SPATA12: variants seen among roughly 807,000 people sequenced by gnomAD.
The protein encoded by SPATA12 is spermatogenesis-associated protein 12.
For synonymous variants in SPATA12, 85 were observed against 89.2 expected, an observed-to-expected ratio of 0.95 and a Z score of 0.26; for missense variants, 219 against 226.4, an observed-to-expected ratio of 0.97 and a Z score of 0.21.
At position 57,073,908 on chromosome 3, in the gene SPATA12, T is replaced by C. The variant is rs1168350158; in HGVS notation, c.214T>C (p.Phe72Leu). The C allele has an allele frequency of 1.2e-6, 2 of 1,614,164 alleles. No individual in the cohort carries two copies. Among genetic ancestry groups the C allele is most frequent in the Non-Finnish European group, 1.7e-6 (2 of 1,180,006 alleles). ...GAASALPELT[F>L]QGDVCQSETC... ...AGCCTCTGCCCTCCCAGAGCTGACA[T>C]TTCAGGGGGATGTGTGCCAAAGTGA... The change falls in exon 2 of 2, where the codon TTT becomes CTT. Residue 72 changes from phenylalanine to leucine, a missense_variant. Physicochemically the swap from Phe to Leu is conservative, Grantham distance 22. Coordinates refer to ENST00000334325, the MANE Select transcript of SPATA12 (RefSeq NM_181727.2).
At position 57,074,325 on chromosome 3, in the gene SPATA12, C is replaced by T. The variant is rs530481765; in HGVS notation, c.*58C>T. 1.4e-6 allele frequency: 2 copies of T among 1,461,918 alleles called. No homozygotes were observed. The highest frequency in any genetic ancestry group is 2.3e-5 in the East Asian group (1 of 43,914). 90.6% of individuals were successfully genotyped at this position (1,461,918 alleles called of 1,614,324 possible). A position where few individuals can be genotyped will look rare whatever the true frequency, so the allele number is the denominator to read the frequency against. On this transcript the variant is annotated 3_prime_UTR_variant, in exon 2 of 2. Coordinates refer to ENST00000334325, the MANE Select transcript of SPATA12 (RefSeq NM_181727.2). ...GCAGCTGTTTGTCTGGGCCTTTGCA[C>T]ATGCTATGCCCTCCCTTCCATCCCC...
At chr3:57,067,001 T>C (rs146192868) in intron 1 of SPATA12, among the ~76,000 whole-genome samples, 56 of 152,296 alleles carry the variant, frequency 3.7e-4, no homozygotes, top group African/African-American at 1.3e-3. Flanking sequence ...ATCCTGTTGG[T>C]TCTGTTTCTC....
intron 1 of SPATA12, among the ~76,000 whole-genome samples, chr3:57,066,554 C>T (rs1258901675): frequency 2.0e-5 from 3 of 152,224 alleles, no homozygotes; most frequent in African/African-American, 4.8e-5. Context: ...TGAGCCACCG[C>T]GCCCAGGCTT....
At chr3:57,063,149 A>G (rs1705324888) in intron 1 of SPATA12, among the ~76,000 whole-genome samples, 1 of 152,222 alleles carries the variant, frequency 6.6e-6, no homozygotes, top group African/African-American at 2.4e-5. Flanking sequence ...CAGCGGGAAT[A>G]GCAGGTGCAA....
chr3:57,066,792 C>T (rs1281853058), intron 1 of SPATA12, among the ~76,000 whole-genome samples: 1 of 152,168 alleles, frequency 6.6e-6, no homozygotes, highest in Non-Finnish European at 1.5e-5. Context: ...CAGCTATAAG[C>T]CTTAATAGAA....
intron 1 of SPATA12, among the ~76,000 whole-genome samples, chr3:57,063,104 A>G (rs1474818185): frequency 1.3e-5 from 2 of 152,236 alleles, no homozygotes; most frequent in African/African-American, 2.4e-5. Context: ...ATGAGGGACC[A>G]AGCTCTGCAG....
chr3:57,073,909 T>A lies in SPATA12; in HGVS notation c.215T>A (p.Phe72Tyr). 1.2e-6 allele frequency: 2 copies of A among 1,614,164 alleles called. No individual in the cohort carries two copies. Among genetic ancestry groups the A allele is most frequent in the Non-Finnish European group, 8.5e-7 (1 of 1,180,028 alleles). The part of the protein sequence containing the change: ...GAASALPELT[F>Y]QGDVCQSETC... ...GCCTCTGCCCTCCCAGAGCTGACAT[T>A]TCAGGGGGATGTGTGCCAAAGTGAG... The change falls in exon 2 of 2, where the codon TTT becomes TAT. Residue 72 changes from phenylalanine (F) to tyrosine (Y), a missense_variant. Transcript: ENST00000334325.
chr3:57,073,436 C>A lies in SPATA12; in HGVS notation c.-259C>A. 1 of 435,380 alleles carries A rather than the reference C, an allele frequency of 2.3e-6. No individual in the cohort carries two copies. Among genetic ancestry groups the A allele is most frequent in the South Asian group, 5.2e-5 (1 of 19,344 alleles). 27.0% of individuals were successfully genotyped at this position (435,380 alleles called of 1,614,324 possible). The stretch of plus-strand genomic sequence containing the variant: ...GTGGGAAGCTGTGAAAGTGGACAAG[C>A]GTGAAAGAGCTTCCAAGTAGTGGAA... On this transcript the variant is annotated 5_prime_UTR_variant, in exon 2 of 2. Transcript: ENST00000334325.
intron 1 of SPATA12, among the ~76,000 whole-genome samples, chr3:57,067,773 A>G (rs1051248953): frequency 3.3e-4 from 50 of 151,132 alleles, no homozygotes; most frequent in African/African-American, 1.2e-3. Flanking sequence ...TGAGGTCAGG[A>G]GATCGAGACC....
At chr3:57,066,322 C>T (rs1705534952) in intron 1 of SPATA12, among the ~76,000 whole-genome samples, 1 of 151,766 alleles carries the variant, frequency 6.6e-6, no homozygotes, top group Non-Finnish European at 1.5e-5. Flanking sequence ...GGTACAGTGG[C>T]ATGATCTTGG....
At chr3:57,067,492 T>TAATAA (rs1705616678) in intron 1 of SPATA12, among the ~76,000 whole-genome samples, 1 of 100,170 alleles carries the variant, frequency 1.0e-5, no homozygotes, top group Admixed American at 1.1e-4. Flanking sequence ...AATAATAATA[T>TAATAA]TTGTCTATAT....
intron 1 of SPATA12, among the ~76,000 whole-genome samples, chr3:57,072,850 GC>G (rs960476042): frequency 2.0e-5 from 3 of 152,070 alleles, no homozygotes; most frequent in Non-Finnish European, 2.9e-5. Context: ...TTCAAGACCA[GC>G]CTGGCCAAGA....
intron 1 of SPATA12, among the ~76,000 whole-genome samples, chr3:57,062,243 C>G (rs913889391): frequency 4.6e-5 from 7 of 152,222 alleles, no homozygotes; most frequent in Admixed American, 4.6e-4. Context: ...GGCCTGTCCT[C>G]ACTGCTCTAG....
Position 57,073,834 on chromosome 3 carries a change from C to T in SPATA12, c.140C>T (p.Pro47Leu), listed in dbSNP as rs201557940. 1.9e-6 allele frequency: 3 copies of T among 1,614,224 alleles called. No individual in the cohort carries two copies. The highest frequency in any genetic ancestry group is 2.7e-5 in the African/African-American group (2 of 75,058). The change falls in exon 2 of 2, where the codon CCC becomes CTC. Residue 47 changes from proline (P) to leucine (L), a missense_variant. Physicochemically the swap from Pro to Leu is moderately conservative, Grantham distance 98. Transcript: ENST00000334325. ...LGSSTQHPNKPHCALASCQGP... is the reference protein window; with the variant it reads ...LGSSTQHPNKLHCALASCQGP... Reference sequence around the variant, plus strand: ...TCATCCACCCAACATCCCAACAAACCCCACTGTGCACTGGCATCATGCCAG... The same window carrying T: ...TCATCCACCCAACATCCCAACAAACTCCACTGTGCACTGGCATCATGCCAG...
chr3:57,068,474 T>C (rs1464135555), intron 1 of SPATA12, among the ~76,000 whole-genome samples: 1 of 152,226 alleles, frequency 6.6e-6, no homozygotes, highest in Non-Finnish European at 1.5e-5. Context: ...TCAAAAGGAC[T>C]CAGGCAATCA....
chr3:57,070,989 AAAGAAAG>A (rs1705867030), intron 1 of SPATA12, among the ~76,000 whole-genome samples: 1 of 123,690 alleles, frequency 8.1e-6, no homozygotes, highest in East Asian at 4.5e-4. Flanking sequence ...AAAAAAAAAG[AAAGAAAG>A]AAAGAAAAAA....
rs547364979 is a variant in SPATA12, at chr3:57,062,547, C to T, written c.-330+1761C>T. Among the ~76,000 whole-genome samples, 12 of 152,292 alleles carry T rather than the reference C, an allele frequency of 7.9e-5. No homozygotes were observed. The South Asian group carries it at 2.3e-3, about 29-fold the overall frequency. ...CCCAGCACAGATGCTGCATAATCTA[C>T]AATAGCAAAAGATTGGAAGCTGCCC... is the stretch of plus-strand genomic sequence containing the variant. On this transcript the variant is annotated intron_variant, in intron 1 of 1. Transcript: ENST00000334325.
intron 1 of SPATA12, among the ~76,000 whole-genome samples, chr3:57,064,112 C>CA (rs1705388292): frequency 6.6e-6 from 1 of 151,946 alleles, no homozygotes; most frequent in African/African-American, 2.4e-5. Flanking sequence ...ACCAAAAATA[C>CA]AAAAAAATTA....
At chr3:57,062,461 G>C (rs767706992) in intron 1 of SPATA12, among the ~76,000 whole-genome samples, 3 of 152,068 alleles carry the variant, frequency 2.0e-5, no homozygotes, top group African/African-American at 2.4e-5. Context: ...CGGCGGGGGC[G>C]GGGGGTGCTC....
Sources: gnomAD v4.1 joint callset for allele counts (sites outside exome capture counted in the v4.1 genomes callset) on GRCh38, gnomAD v4.1.1 for gene constraint, MANE v1.5 for transcripts, NCBI Gene and HGNC (gene_info 2026-07-23, HGNC 2026-07-21) for gene names.